Variants in RAB37 observed in about 807,000 individuals in gnomAD.
The protein encoded by RAB37 is ras-related protein Rab-37.
RAB37 carries 29 observed loss-of-function variants against 33.1 expected under a neutral mutation model. The observed-to-expected ratio is 0.88, with a 90% CI of 0.65 to 1.20. The LOEUF is 1.20. Ranked by LOEUF, RAB37 falls within the 50% of genes most tolerant of loss-of-function variation. The probability of loss-of-function intolerance (pLI) is 0.00; values close to 1 mark genes in which losing one functional copy is unlikely to be tolerated. For synonymous variants in RAB37, 128 were observed against 119.5 expected, an observed-to-expected ratio of 1.07 and a Z score of -0.47; for missense variants, 299 against 301.1, an observed-to-expected ratio of 0.99 and a Z score of 0.05.
intron 1 of RAB37, among the ~76,000 whole-genome samples, chr17:74,698,089 A>G (rs1207491863): frequency 7.2e-5 from 11 of 152,194 alleles, no homozygotes; most frequent in Non-Finnish European, 1.6e-4. Context: ...CACCTATGCC[A>G]TCAAGAGTCA....
chr17:74,740,726 G>T (rs2034592120), intron 1 of RAB37, 42 bp from the exon 2 acceptor site: 2 of 1,340,712 alleles, frequency 1.5e-6, no homozygotes, highest in African/African-American at 2.9e-5. Flanking sequence ...CCCAGAAGCT[G>T]CCCCTGACTC....
chr17:74,694,747 T>G, intron 1 of RAB37: 1 of 185,470 alleles, frequency 5.4e-6, no homozygotes, highest in Non-Finnish European at 1.1e-5. Context: ...CCATAACATG[T>G]GGTAGGCAAT....
chr17:74,673,021 T>C (rs9914857), intron 1 of RAB37: 125,985 of 152,220 alleles, frequency 0.83, 52,321 homozygotes, highest in Non-Finnish European at 0.86. Flanking sequence ...ATAACAACTA[T>C]CCCAGTCTAG....
chr17:74,738,266 C>G lies in RAB37; in HGVS notation c.93+901C>G, dbSNP rs1426849931. Among the ~76,000 whole-genome samples, 1 of 152,182 alleles carries G rather than the reference C, an allele frequency of 6.6e-6. No homozygotes were observed. The highest frequency in any genetic ancestry group is 2.4e-5 in the African/African-American group (1 of 41,446). The stretch of plus-strand genomic sequence containing the variant: ...GCCTCTCTCTGGGCCTCGGTTTCCT[C>G]CCCGACACCAGGGCTCACCCTTGCT... On this transcript the variant is annotated intron_variant, in intron 1 of 8. Transcript: ENST00000392613. This position sits in a 1 kb window ranked among gnomAD's most constrained non-coding sequence, Gnocchi z 5.0.
chr17:74,742,190 C>G lies in RAB37; in HGVS notation c.205-64C>G, dbSNP rs182579763. The G allele has an allele frequency of 1.3e-6, 2 of 1,588,178 alleles. No individual in the cohort carries two copies. Among genetic ancestry groups the G allele is most frequent in the Admixed American group, 1.8e-5 (1 of 56,642 alleles). ...GGCCTGGAGAGGGAACAAGACAGGA[C>G]GTCTGCAGAGCTGAGGAGCCACATG... On this transcript the variant is annotated intron_variant, in intron 2 of 8. Coordinates refer to ENST00000392613, the MANE Select transcript of RAB37 (RefSeq NM_001006638.3). This position sits in a 1 kb window ranked among gnomAD's most constrained non-coding sequence, Gnocchi z 4.0.
intron 1 of RAB37, chr17:74,704,674 G>T (rs777297468): frequency 2.5e-6 from 4 of 1,614,186 alleles, no homozygotes; most frequent in African/African-American, 1.3e-5. Flanking sequence ...CAAGGATCTT[G>T]CAGTCACGCC....
intron 1 of RAB37, among the ~76,000 whole-genome samples, chr17:74,715,798 C>T (rs999051243): frequency 6.6e-6 from 1 of 152,168 alleles, no homozygotes; most frequent in Non-Finnish European, 1.5e-5. Flanking sequence ...GAGGCTGAGG[C>T]AGGCGGATCA....
At position 74,739,525 on chromosome 17, in the gene RAB37, C is replaced by CTT. The variant is rs1166150273; in HGVS notation, c.94-1222_94-1221dup. ...TTCAACCTTCCCTAATTCATGCAAC[C>CTT]TTTTTTTTTTTTTTTTTTTTTTGAG... On this transcript the variant is annotated intron_variant, in intron 1 of 8. Transcript: ENST00000392613. Among the ~76,000 whole-genome samples the CTT allele has an allele frequency of 3.9e-3, 513 of 131,224 alleles. 5 individuals are homozygous for CTT. Among genetic ancestry groups the CTT allele is most frequent in the African/African-American group, 7.6e-3 (257 of 33,618 alleles). 86.1% of individuals were successfully genotyped at this position (131,224 alleles called of 152,430 possible).
Position 74,703,140 on chromosome 17 carries a change from G to A in RAB37, c.73-26116G>A, listed in dbSNP as rs776210830. 82 of 1,612,780 alleles carry A rather than the reference G, an allele frequency of 5.1e-5. No individual in the cohort carries two copies. The East Asian group carries it at 1.0e-3, about 21-fold the overall frequency. On this transcript the variant is annotated intron_variant, in intron 1 of 7. Transcript: ENST00000340415. ...GGTAGGCGTGGTGGGGGCAGGAGTC[G>A]ACGCTGTAGTTGATGCTTGGTGTAT...
intron 2 of RAB37, 143 bp downstream of exon 2, chr17:74,741,021 G>A (rs1049340388): frequency 1.1e-5 from 7 of 665,648 alleles, no homozygotes; most frequent in Non-Finnish European, 1.6e-5. Flanking sequence ...GCTCCCCCAA[G>A]ACCACAGAGG....
intron 1 of RAB37, chr17:74,703,088 G>A (rs2033210187): frequency 1.2e-6 from 2 of 1,614,048 alleles, no homozygotes; most frequent in Non-Finnish European, 8.5e-7. Context: ...TTTCTTCTTG[G>A]GTGACTGGTG....
upstream of RAB37, among the ~76,000 whole-genome samples, chr17:74,734,353 C>T (rs545608252): frequency 6.6e-6 from 1 of 152,212 alleles, no homozygotes; most frequent in Non-Finnish European, 1.5e-5. Flanking sequence ...AGTATAACCT[C>T]ATCTTAATGA....
Position 74,741,697 on chromosome 17 carries a change from T to C in RAB37, c.205-557T>C, listed in dbSNP as rs1035882721. Among the ~76,000 whole-genome samples the C allele has an allele frequency of 1.2e-4, 19 of 152,014 alleles. 1 individual carries two copies. Among genetic ancestry groups the C allele is most frequent in the Admixed American group, 1.2e-3 (18 of 15,282 alleles). The stretch of plus-strand genomic sequence containing the variant: ...TCTTACAAATCTGCATCAGGGATGC[T>C]AGACGCTGCACACCTGAAGTGTTCA... On this transcript the variant is annotated intron_variant, in intron 2 of 8. Transcript: ENST00000392613.
intron 1 of RAB37, chr17:74,698,630 C>A: frequency 6.8e-7 from 1 of 1,476,926 alleles, no homozygotes. Flanking sequence ...TCCTGGGGAT[C>A]CTCAAAGATG....
intron 1 of RAB37, among the ~76,000 whole-genome samples, chr17:74,706,985 A>G (rs2033574624): frequency 6.6e-6 from 1 of 152,220 alleles, no homozygotes; most frequent in Non-Finnish European, 1.5e-5. Context: ...ACAAAAATCA[A>G]CTCACAATAG....
intron 1 of RAB37, among the ~76,000 whole-genome samples, chr17:74,685,522 G>A (rs1307828366): frequency 6.6e-6 from 1 of 152,092 alleles, no homozygotes; most frequent in Non-Finnish European, 1.5e-5. Context: ...AGCCTGATGG[G>A]TCTGCGGCAC....
chr17:74,687,915 G>C (rs1196535531), intron 1 of RAB37, among the ~76,000 whole-genome samples: 1 of 152,216 alleles, frequency 6.6e-6, no homozygotes, highest in African/African-American at 2.4e-5. Flanking sequence ...TTGGCATAAA[G>C]TTACCAACTG....
At chr17:74,698,158 C>T (rs924982423) in intron 1 of RAB37, among the ~76,000 whole-genome samples, 4 of 152,188 alleles carry the variant, frequency 2.6e-5, no homozygotes, top group Non-Finnish European at 4.4e-5. Flanking sequence ...GACGGAGGTG[C>T]AGGGCAGGCG....
Position 74,698,472 on chromosome 17 carries a change from G to A in RAB37, c.72+26814G>A, listed in dbSNP as rs754724890. On this transcript the variant is annotated intron_variant, in intron 1 of 7. Transcript: ENST00000340415. ...GGGGCAGGAGGACACTGAGCTTCAG[G>A]AGCTTGTGCCTAGAAACAATGGCAA... 5 of 1,613,634 alleles carry A rather than the reference G, an allele frequency of 3.1e-6. No individual in the cohort carries two copies. In the South Asian group the frequency reaches 5.5e-5, roughly 18 times the overall value.
Sources: gnomAD v4.1 joint callset for allele counts (sites outside exome capture counted in the v4.1 genomes callset) on GRCh38, gnomAD v4.1.1 for gene constraint, Gnocchi (gnomAD v3.1) non-coding constraint, MANE v1.5 for transcripts, NCBI Gene and HGNC (gene_info 2026-07-23, HGNC 2026-07-21) for gene names.